LPAR1: variants seen among roughly 807,000 people sequenced by gnomAD.
LPAR1 encodes the protein LPA receptor 1.
LPAR1 carries 5 observed loss-of-function variants against 23.8 expected under a neutral mutation model. The observed-to-expected ratio is 0.21, with a 90% CI of 0.11 to 0.44. The LOEUF is 0.44. Ranked by LOEUF, LPAR1 falls within the 20% of genes least tolerant of loss-of-function variation. LPAR1 has a pLI of 0.99. For synonymous variants in LPAR1, 160 were observed against 164.7 expected, an observed-to-expected ratio of 0.97 and a Z score of 0.22; for missense variants, 311 against 482.8, an observed-to-expected ratio of 0.64 and a Z score of 3.33.
At chr9:110,878,318 T>C (rs7042724) in intron 5 of LPAR1, among the ~76,000 whole-genome samples, 56,067 of 151,796 alleles carry the variant, frequency 0.37, 10,494 homozygotes, top group East Asian at 0.43. Flanking sequence ...AGGATCAAAC[T>C]GACCAAAAGA....
At chr9:110,891,205 G>A (rs563337794) in intron 5 of LPAR1, among the ~76,000 whole-genome samples, 72 of 152,060 alleles carry the variant, frequency 4.7e-4, no homozygotes, top group African/African-American at 1.6e-3. Context: ...TCAGAAAAGT[G>A]GGCATATATA....
At chr9:110,948,642 G>A (rs10980655) in intron 4 of LPAR1, among the ~76,000 whole-genome samples, 1 of 152,254 alleles carries the variant, frequency 6.6e-6, no homozygotes, top group East Asian at 1.9e-4. Flanking sequence ...TAAGAGGAAG[G>A]AATGGAAAAA....
At chr9:110,917,248 C>T (rs1371998006) in intron 5 of LPAR1, among the ~76,000 whole-genome samples, 1 of 151,270 alleles carries the variant, frequency 6.6e-6, no homozygotes, top group African/African-American at 2.4e-5. Context: ...ACTTGGGAGG[C>T]TGGGGAAGGA....
At chr9:110,925,023 C>A (rs570023747) in intron 5 of LPAR1, among the ~76,000 whole-genome samples, 4 of 152,222 alleles carry the variant, frequency 2.6e-5, no homozygotes, top group Admixed American at 2.6e-4. Flanking sequence ...CTCCCATTCT[C>A]CCTGTATTTT....
At chr9:110,902,824 T>C (rs1588221892) in intron 5 of LPAR1, among the ~76,000 whole-genome samples, 1 of 152,284 alleles carries the variant, frequency 6.6e-6, no homozygotes, top group South Asian at 2.1e-4. Context: ...GGATATCTGT[T>C]TGTATTCCCT....
chr9:110,982,114 C>G (rs986349810), intron 2 of LPAR1, among the ~76,000 whole-genome samples: 1 of 152,144 alleles, frequency 6.6e-6, no homozygotes, highest in African/African-American at 2.4e-5. Context: ...ACTCAGCCAT[C>G]CCATTACTGG....
intron 2 of LPAR1, among the ~76,000 whole-genome samples, chr9:111,023,053 CAA>C (rs35394780): frequency 0.07 from 3,970 of 56,332 alleles, 25 homozygotes; most frequent in South Asian, 0.12. Flanking sequence ...TCCGTCTCAA[CAA>C]AAAAAAAAAA....
intron 5 of LPAR1, among the ~76,000 whole-genome samples, chr9:110,880,161 A>G (rs2080331976): frequency 6.6e-6 from 1 of 152,156 alleles, no homozygotes; most frequent in African/African-American, 2.4e-5. Context: ...TTCAAAACAG[A>G]TCCGTGGGTT....
chr9:110,918,730 A>C (rs1289964806), intron 5 of LPAR1, among the ~76,000 whole-genome samples: 1 of 152,202 alleles, frequency 6.6e-6, no homozygotes, highest in Non-Finnish European at 1.5e-5. Flanking sequence ...AAACTTCAAA[A>C]AGAAAGTACT....
rs144864176 is a variant in LPAR1, at chr9:110,927,684, T to C, written c.793+13737A>G. ...TGAATCAAATCTTTTTTATAAAATTTAGCTGTAAAATAAGGCCAAGGAAAA... is the reference window on the plus strand; with the variant it reads ...TGAATCAAATCTTTTTTATAAAATTCAGCTGTAAAATAAGGCCAAGGAAAA... On this transcript the variant is annotated intron_variant, in intron 5 of 5. Transcript: ENST00000683809. Among the ~76,000 whole-genome samples, 694 of 152,248 alleles carry C rather than the reference T, an allele frequency of 4.6e-3. 7 individuals are homozygous for C. Among genetic ancestry groups the C allele is most frequent in the Middle Eastern group, 0.014 (4 of 294 alleles).
chr9:110,989,744 C>CAT (rs745434923), intron 2 of LPAR1, among the ~76,000 whole-genome samples: 4 of 152,082 alleles, frequency 2.6e-5, no homozygotes, highest in South Asian at 2.1e-4. Flanking sequence ...TATGAAAACA[C>CAT]ATATATATAC....
At chr9:110,903,339 G>C (rs1419779830) in intron 5 of LPAR1, 4 of 152,122 alleles carry the variant, frequency 2.6e-5, no homozygotes, top group Admixed American at 6.6e-5. Flanking sequence ...GAACCACGGT[G>C]CTCACAGTTC....
chr9:111,025,415 G>T (rs1046173687), intron 2 of LPAR1, among the ~76,000 whole-genome samples: 2 of 152,052 alleles, frequency 1.3e-5, no homozygotes, highest in Non-Finnish European at 2.9e-5. Context: ...TTGTAAATTT[G>T]TTTTAAGCTC....
chr9:110,981,355 C>T (rs1014792765), intron 2 of LPAR1, among the ~76,000 whole-genome samples: 4 of 151,982 alleles, frequency 2.6e-5, no homozygotes, highest in African/African-American at 9.7e-5. Context: ...GTCATGTCTC[C>T]TTGCCTCAGA....
At chr9:111,003,980 T>A (rs1332595792) in intron 2 of LPAR1, among the ~76,000 whole-genome samples, 1 of 152,166 alleles carries the variant, frequency 6.6e-6, no homozygotes, top group Non-Finnish European at 1.5e-5. Context: ...AGTGTCAAAG[T>A]CACATTAACT....
chr9:111,022,272 C>A (rs928420742), intron 2 of LPAR1, among the ~76,000 whole-genome samples: 3 of 152,114 alleles, frequency 2.0e-5, no homozygotes, highest in East Asian at 1.9e-4. Context: ...TTCTTGCAAA[C>A]TGATTTCAAG....
intron 5 of LPAR1, among the ~76,000 whole-genome samples, chr9:110,887,450 T>C (rs1388111563): frequency 6.6e-6 from 1 of 152,140 alleles, no homozygotes; most frequent in Non-Finnish European, 1.5e-5. Context: ...TTACATCTCC[T>C]ATAGCTGCCA....
chr9:111,006,721 A>G (rs1005964817), intron 2 of LPAR1, among the ~76,000 whole-genome samples: 1 of 152,178 alleles, frequency 6.6e-6, no homozygotes, highest in African/African-American at 2.4e-5. Flanking sequence ...GAGTATGAAA[A>G]ATAAAGCCTT....
chr9:110,967,479 G>T (rs749610936), intron 4 of LPAR1, among the ~76,000 whole-genome samples: 1 of 152,168 alleles, frequency 6.6e-6, no homozygotes, highest in Non-Finnish European at 1.5e-5. Flanking sequence ...GTTACCCAAT[G>T]AATAGAGTAA....
Sources: allele counts gnomAD v4.1 joint callset (sites outside exome capture counted in the v4.1 genomes callset), GRCh38; gene constraint gnomAD v4.1.1; transcripts MANE v1.5; gene names NCBI Gene and HGNC (gene_info 2026-07-23, HGNC 2026-07-21).